The following KCTD17 variants were observed in gnomAD, a reference collection of about 807,000 sequenced individuals.
The protein encoded by KCTD17 is BTB/POZ domain-containing protein KCTD17.
Under a neutral mutation model 41.5 loss-of-function variants are expected in KCTD17, and 20 were observed. The ratio of observed to expected loss-of-function variants is 0.48; its 90% CI spans 0.34 to 0.70. KCTD17 has a LOEUF of 0.70. KCTD17 is among the 30% of genes least tolerant of loss of function. The pLI is 0.01. For synonymous variants in KCTD17, 156 were observed against 173.8 expected (o/e 0.90, Z 0.80); for missense variants, 317 against 427.2 (o/e 0.74, Z 2.27).
chr22:37,057,908 C>T (rs1382496493), intron 4 of KCTD17, among the ~76,000 whole-genome samples: 1 of 152,220 alleles, frequency 6.6e-6, no homozygotes, highest in African/African-American at 2.4e-5. Context: ...ATAGCAGTTC[C>T]TGACACAGTT....
chr22:37,057,578 C>T, intron 4 of KCTD17, 85 bp downstream of exon 4: 2 of 1,085,800 alleles, frequency 1.8e-6, no homozygotes, highest in Non-Finnish European at 2.7e-6. Context: ...TTCCTGCAGC[C>T]CCAGCCTTGG....
intron 2 of KCTD17, among the ~76,000 whole-genome samples, chr22:37,054,256 G>A (rs917669704): frequency 6.6e-6 from 1 of 152,180 alleles, no homozygotes; most frequent in Non-Finnish European, 1.5e-5. Context: ...CTAGGCTCAG[G>A]AGCAGGCCCC....
chr22:37,058,246 G>A (rs1416481194), intron 4 of KCTD17, among the ~76,000 whole-genome samples: 1 of 152,232 alleles, frequency 6.6e-6, no homozygotes, highest in African/African-American at 2.4e-5. Flanking sequence ...CAGAAGGTCG[G>A]AGCCCCCAGG....
chr22:37,061,080 C>G lies in KCTD17; in HGVS notation c.713-24C>G. 6.4e-7 allele frequency: 1 copy of G among 1,551,438 alleles called. No individual in the cohort carries two copies. The highest frequency in any genetic ancestry group is 8.7e-7 in the Non-Finnish European group (1 of 1,146,880). On this transcript the variant is annotated intron_variant, in intron 6 of 8. Coordinates refer to ENST00000403888, the MANE Select transcript of KCTD17 (RefSeq NM_001282684.2). The surrounding 1 kb of genome is among the most constrained non-coding windows in gnomAD (Gnocchi z 6.6). ...CTGGCGCCTCACCCGCATAACCATC[C>G]CTTCTCTCACTTTCTCTTTGCAGCC...
Position 37,061,549 on chromosome 22 carries a change from G to T in KCTD17, c.795G>T (p.Pro265=). ...PPPLPAGGSR[P]HPLRPEAELA... ...GTTTCCTCCTTGCAGGTTCCCGTCC[G>T]CACCCTCTCAGACCTGAGGCTGAGC... Residue 265 remains proline (P), a synonymous_variant, in exon 8 of 9, where the codon CCG becomes CCT. Transcript: ENST00000403888. This position sits in a 1 kb window ranked among gnomAD's most constrained non-coding sequence, Gnocchi z 6.6. The T allele has an allele frequency of 6.2e-7, 1 of 1,601,438 alleles. No homozygotes were observed.
intron 1 of KCTD17, 169 bp downstream of exon 1, chr22:37,052,118 T>C (rs1176494255): frequency 1.3e-5 from 11 of 847,580 alleles, no homozygotes; most frequent in Non-Finnish European, 1.8e-5. Flanking sequence ...GTGGGTCTGG[T>C]AGTGAGGGAT....
At chr22:37,059,552 C>A in intron 5 of KCTD17, 114 bp downstream of exon 5, 2 of 1,235,374 alleles carry the variant, frequency 1.6e-6, no homozygotes, top group Non-Finnish European at 2.3e-6. Flanking sequence ...CCGCCACCGC[C>A]CATGCACAAC....
intron 2 of KCTD17, among the ~76,000 whole-genome samples, chr22:37,054,615 C>G (rs1385061173): frequency 1.3e-5 from 2 of 152,100 alleles, no homozygotes; most frequent in Admixed American, 1.3e-4. Flanking sequence ...GACCTAACCC[C>G]TCTGTGTCTG....
chr22:37,062,161 T>C, intron 8 of KCTD17: 1 of 985,410 alleles, frequency 1.0e-6, no homozygotes. Context: ...GTGGCTTCTT[T>C]CGCCTGGGGC....
intron 2 of KCTD17, among the ~76,000 whole-genome samples, chr22:37,054,673 G>A (rs1299334615): frequency 1.3e-5 from 2 of 152,150 alleles, no homozygotes; most frequent in Non-Finnish European, 2.9e-5. Context: ...ACCTCACCGA[G>A]CTGTCATGAG....
At chr22:37,052,009 G>T in intron 1 of KCTD17, 60 bp downstream of exon 1, 1 of 1,316,070 alleles carries the variant, frequency 7.6e-7, no homozygotes, top group South Asian at 1.9e-5. Flanking sequence ...CCGACGCGGG[G>T]CTGTCGGGCC....
At chr22:37,062,205 T>A in intron 8 of KCTD17, 1 of 985,112 alleles carries the variant, frequency 1.0e-6, no homozygotes, top group Non-Finnish European at 1.2e-6. Context: ...GCAACCCCCA[T>A]CCCACCCCCT....
rs544072072 is a variant in KCTD17 at position 37,056,631 on chromosome 22, C to A, written c.390+220C>A. Among the ~76,000 whole-genome samples the A allele has an allele frequency of 4.9e-4, 75 of 152,254 alleles. 1 individual carries two copies. The highest frequency in any genetic ancestry group is 1.7e-3 in the African/African-American group (72 of 41,560). ...CACTGGGGTTCAGTCCCTGTCTCAGCCCCATTTGCTGTGTGTTGGGCCAGG... is the reference window on the plus strand; with the variant it reads ...CACTGGGGTTCAGTCCCTGTCTCAGACCCATTTGCTGTGTGTTGGGCCAGG... On this transcript the variant is annotated intron_variant, in intron 3 of 8. Coordinates refer to ENST00000403888, the MANE Select transcript of KCTD17 (RefSeq NM_001282684.2).
chr22:37,062,420 CACCCGTCAATCTCCTCTCCG>C, intron 8 of KCTD17, 85 bp from the exon 9 acceptor site: 1 of 1,353,132 alleles, frequency 7.4e-7, no homozygotes, highest in Non-Finnish European at 9.7e-7. Flanking sequence ...CCCTCTCCCC[CACCCGTCAATCTCCTCTCCG>C]CCCCCTTGCC....
chr22:37,055,623 T>C (rs1925012074), intron 2 of KCTD17, among the ~76,000 whole-genome samples: 1 of 152,198 alleles, frequency 6.6e-6, no homozygotes, highest in Non-Finnish European at 1.5e-5. Context: ...CCAGATTAAC[T>C]TAACTGTAAG....
In KCTD17 at chr22:37,053,072, T is replaced by G. The variant is rs1208607574; in HGVS notation, c.190-28T>G. The stretch of plus-strand genomic sequence containing the variant: ...TGGCTGGGGAGAAGCCTCACTCTTC[T>G]CTCACCGAGCATCCCTCACCTCCAT... On this transcript the variant is annotated intron_variant, in intron 1 of 8. Coordinates refer to ENST00000403888, the MANE Select transcript of KCTD17 (RefSeq NM_001282684.2). This position sits in a 1 kb window ranked among gnomAD's most constrained non-coding sequence, Gnocchi z 4.1. 1 of 1,533,474 alleles carries G rather than the reference T, an allele frequency of 6.5e-7. No homozygotes were observed. The highest frequency in any genetic ancestry group is 8.9e-7 in the Non-Finnish European group (1 of 1,127,678). 95.0% of individuals were successfully genotyped at this position (1,533,474 alleles called of 1,614,324 possible).
chr22:37,052,119 A>G (rs1457181654), intron 1 of KCTD17, 170 bp downstream of exon 1: 15 of 873,830 alleles, frequency 1.7e-5, no homozygotes, highest in Non-Finnish European at 2.4e-5. Flanking sequence ...TGGGTCTGGT[A>G]GTGAGGGATG....
intron 1 of KCTD17, chr22:37,052,647 A>C (rs1463787635): frequency 6.4e-6 from 3 of 470,856 alleles, no homozygotes; most frequent in South Asian, 1.5e-5. Flanking sequence ...AGTCGCATGG[A>C]AGCCCACCCT....
intron 3 of KCTD17, 139 bp from the exon 4 acceptor site, chr22:37,057,259 T>TGAGCAG (rs1328170522): frequency 1.4e-6 from 1 of 724,312 alleles, no homozygotes; most frequent in Non-Finnish European, 2.5e-6. Flanking sequence ...CATGGCTGCC[T>TGAGCAG]CCCCCCAACC....
Sources: gnomAD v4.1 joint callset for allele counts (sites outside exome capture counted in the v4.1 genomes callset) on GRCh38, gnomAD v4.1.1 for gene constraint, Gnocchi (gnomAD v3.1) non-coding constraint, MANE v1.5 for transcripts, NCBI Gene and HGNC (gene_info 2026-07-23, HGNC 2026-07-21) for gene names.